VWA2: variants seen among roughly 807,000 people sequenced by gnomAD.
VWA2 encodes the protein von Willebrand factor A domain containing 2.
VWA2 carries 73 observed loss-of-function variants against 70.4 expected under a neutral mutation model. The ratio of observed to expected loss-of-function variants is 1.04; its 90% CI spans 0.86 to 1.26. The LOEUF (loss-of-function observed/expected upper bound fraction) is 1.26. Among genes scored for constraint, VWA2 ranks in the 50% most tolerant of loss-of-function variants. The pLI, the probability that VWA2 is intolerant of heterozygous loss-of-function variation, is 0.00. For missense variants in VWA2, 1,011 were observed against 998.5 expected, an observed-to-expected ratio of 1.01 and a Z score of -0.17; for synonymous variants, 407 against 423.3, an observed-to-expected ratio of 0.96 and a Z score of 0.47.
At chr10:114,269,708 G>A (rs2037664299) in intron 5 of VWA2, among the ~76,000 whole-genome samples, 1 of 152,218 alleles carries the variant, frequency 6.6e-6, no homozygotes, top group African/African-American at 2.4e-5. Context: ...AAAAGAGTAT[G>A]GGGAACAAGC....
At chr10:114,266,348 A>C (rs950766898) in intron 5 of VWA2, among the ~76,000 whole-genome samples, 1 of 152,076 alleles carries the variant, frequency 6.6e-6, no homozygotes, top group African/African-American at 2.4e-5. Flanking sequence ...ATATATATGT[A>C]TGGGGTATGT....
Position 114,286,220 on chromosome 10 carries a change from C to A in VWA2, c.1279C>A (p.Arg427=). 6.2e-7 allele frequency: 1 copy of A among 1,613,480 alleles called. No homozygotes were observed. Residue 427 remains arginine (R), a synonymous_variant, in exon 11 of 14, where the codon CGG becomes AGG. Transcript: ENST00000392982. ...CCCCACCCTGACGGGCAGTGCCTTG[C>A]GGCAGGCGGCAGAGCGTGGCTTCGG... ...GGPTLTGSAL[R]QAAERGFGSA... is the part of the protein sequence containing the mutation.
chr10:114,279,197 A>G (rs2037935133), intron 8 of VWA2, among the ~76,000 whole-genome samples: 1 of 152,136 alleles, frequency 6.6e-6, no homozygotes, highest in Non-Finnish European at 1.5e-5. Context: ...CAGTTTCCAC[A>G]TTATGGGGGC....
At chr10:114,274,591 C>T (rs1483514292) in intron 6 of VWA2, among the ~76,000 whole-genome samples, 4 of 152,134 alleles carry the variant, frequency 2.6e-5, no homozygotes, top group Non-Finnish European at 5.9e-5. Context: ...TCTCATGCTT[C>T]AGCCTTCTGA....
At chr10:114,249,821 C>T (rs891787092) in intron 2 of VWA2, among the ~76,000 whole-genome samples, 1 of 152,152 alleles carries the variant, frequency 6.6e-6, no homozygotes, top group African/African-American at 2.4e-5. Flanking sequence ...CCCCTCTTCA[C>T]CCCCAGCTAA....
intron 6 of VWA2, among the ~76,000 whole-genome samples, chr10:114,273,493 G>A (rs985308418): frequency 6.6e-6 from 1 of 152,192 alleles, no homozygotes; most frequent in Non-Finnish European, 1.5e-5. Context: ...GGGAGTAGGA[G>A]TCTGACTGGC....
At chr10:114,258,726 C>T (rs1025522532) in intron 4 of VWA2, among the ~76,000 whole-genome samples, 2 of 152,234 alleles carry the variant, frequency 1.3e-5, no homozygotes, top group African/African-American at 4.8e-5. Context: ...TTTCCATTTG[C>T]CCTGTCCCTC....
intron 6 of VWA2, among the ~76,000 whole-genome samples, chr10:114,275,586 G>T (rs68002972): frequency 0.25 from 38,496 of 151,824 alleles, 5,237 homozygotes; most frequent in African/African-American, 0.34. Flanking sequence ...TGTTTTTTTG[G>T]TTTTTTTTCC....
chr10:114,256,933 T>A (rs774731683), intron 4 of VWA2, among the ~76,000 whole-genome samples: 1,996 of 121,398 alleles, frequency 0.016, 37 homozygotes, highest in African/African-American at 0.044. Context: ...AAAAAAAAAA[T>A]TAAGAGATGA....
At chr10:114,272,463 G>C (rs149590339) in intron 5 of VWA2, among the ~76,000 whole-genome samples, 55 of 152,326 alleles carry the variant, frequency 3.6e-4, no homozygotes, top group African/African-American at 7.2e-4. Flanking sequence ...TCGGCCCAGA[G>C]TCATCACTCG....
At chr10:114,260,895 A>G (rs1056138498) in intron 4 of VWA2, among the ~76,000 whole-genome samples, 1 of 152,228 alleles carries the variant, frequency 6.6e-6, no homozygotes, top group African/African-American at 2.4e-5. Context: ...AAAGATGCAC[A>G]AGCTCAGCTG....
At chr10:114,246,351 A>C (rs535646784) in intron 1 of VWA2, 40 of 577,770 alleles carry the variant, frequency 6.9e-5, no homozygotes, top group Non-Finnish European at 1.1e-4. Flanking sequence ...AAATACAAAA[A>C]TTAGCTGGGC....
In VWA2 at chr10:114,293,378, G is replaced by T. The variant is rs1380600125; in HGVS notation, c.*2141G>T. 6.6e-6 allele frequency among the ~76,000 whole-genome samples: 1 copy of T among 152,190 alleles called. No individual in the cohort carries two copies. Among genetic ancestry groups the T allele is most frequent in the African/African-American group, 2.4e-5 (1 of 41,434 alleles). On this transcript the variant is annotated 3_prime_UTR_variant, in exon 14 of 14. Coordinates refer to ENST00000392982, the MANE Select transcript of VWA2 (RefSeq NM_001272046.2). ...TCTTGTTCCGGGCTGGTATTTGGGT[G>T]CCCTGATTGAATTACTTGGATTTAA... is the stretch of plus-strand genomic sequence containing the variant.
chr10:114,262,223 A>T (rs777079530), intron 5 of VWA2, among the ~76,000 whole-genome samples: 5 of 151,922 alleles, frequency 3.3e-5, no homozygotes, highest in Non-Finnish European at 7.4e-5. Context: ...TTACATTATA[A>T]GTTAGCTGAT....
intron 5 of VWA2, among the ~76,000 whole-genome samples, chr10:114,270,875 G>A (rs1025153114): frequency 6.6e-6 from 1 of 152,074 alleles, no homozygotes; most frequent in Non-Finnish European, 1.5e-5. Context: ...AGCTCTGCTC[G>A]CTAGCTCCAG....
intron 4 of VWA2, among the ~76,000 whole-genome samples, chr10:114,259,441 C>T (rs1000230255): frequency 6.6e-6 from 1 of 150,470 alleles, no homozygotes; most frequent in African/African-American, 2.4e-5. Flanking sequence ...TTTTTTTATG[C>T]CATTAAGGTA....
rs929413917 is a variant in VWA2, at chr10:114,289,123, G to C, written c.1756G>C (p.Asp586His). 1 of 1,614,064 alleles carries C rather than the reference G, an allele frequency of 6.2e-7. No individual in the cohort carries two copies. The highest frequency in any genetic ancestry group is 1.3e-5 in the African/African-American group (1 of 75,030). ...CCAGGTGCAGACTGCCTTCGGGCTG[G>C]ACACCAAACCCACCCGGGCTGCGAT... ...GSQVQTAFGL[D>H]TKPTRAAMLR... The change falls in exon 12 of 14, where the codon GAC becomes CAC. Residue 586 changes from aspartate (D) to histidine (H), a missense_variant. Physicochemically the swap from Asp to His is moderately conservative, Grantham distance 81. Transcript: ENST00000392982.
At chr10:114,241,773 A>G (rs1275606565) in intron 1 of VWA2, among the ~76,000 whole-genome samples, 1 of 152,226 alleles carries the variant, frequency 6.6e-6, no homozygotes, top group East Asian at 1.9e-4. Flanking sequence ...TTGTTTTAGA[A>G]CAGTGGTCCT....
At chr10:114,246,281 A>T (rs1461335641) in intron 1 of VWA2, 1 of 653,100 alleles carries the variant, frequency 1.5e-6, no homozygotes, top group Non-Finnish European at 2.8e-6. Context: ...CGGTCGTATC[A>T]CCTGAGGTCA....
Sources: allele counts gnomAD v4.1 joint callset (sites outside exome capture counted in the v4.1 genomes callset), GRCh38; gene constraint gnomAD v4.1.1; transcripts MANE v1.5; gene names NCBI Gene and HGNC (gene_info 2026-07-23, HGNC 2026-07-21).